The following UBR4 variants were observed in gnomAD, a reference collection of about 807,000 sequenced individuals.
The protein encoded by UBR4 is ubiquitin protein ligase E3 component n-recognin 4.
Under a neutral mutation model 575.6 loss-of-function variants are expected in UBR4, and 124 were observed. The ratio of observed to expected loss-of-function variants is 0.22; its 90% CI spans 0.19 to 0.25. The LOEUF (loss-of-function observed/expected upper bound fraction) is 0.25. Among genes scored for constraint, UBR4 ranks in the 10% least tolerant of loss-of-function variants. The pLI, the probability that UBR4 is intolerant of heterozygous loss-of-function variation, is 1.00. For missense variants in UBR4, 4,818 were observed against 6,478.8 expected, an observed-to-expected ratio of 0.74 and a Z score of 8.80; for synonymous variants, 2,455 against 2,473.7, an observed-to-expected ratio of 0.99 and a Z score of 0.22.
chr1:19,162,143 A>AC (rs1277784168), intron 35 of UBR4, among the ~76,000 whole-genome samples: 1 of 152,062 alleles, frequency 6.6e-6, no homozygotes, highest in Admixed American at 6.6e-5. Context: ...AGCTTCCACT[A>AC]CCCCCCATGA....
rs773875498 is a variant in UBR4, at chr1:19,117,441, G to A, written c.10630-27C>T. 5.6e-6 allele frequency: 9 copies of A among 1,610,440 alleles called. No homozygotes were observed. The Middle Eastern group carries it at 1.0e-3, about 180-fold the overall frequency. On this transcript the variant is annotated intron_variant, in intron 72 of 105. Coordinates refer to ENST00000375254, the MANE Select transcript of UBR4 (RefSeq NM_020765.3). This position sits in a 1 kb window ranked among gnomAD's most constrained non-coding sequence, Gnocchi z 4.0. ...TAAATACAAGAGTTCACAAAACATG[G>A]TATTAGTTCAAGACTCGTACTGCCT...
intron 104 of UBR4, chr1:19,077,690 G>GCACT: frequency 1.7e-6 from 2 of 1,198,788 alleles, no homozygotes; most frequent in South Asian, 2.6e-5. Flanking sequence ...CCGAGATCAC[G>GCACT]CCATTGCACT....
chr1:19,091,870 C>T (rs1426031008), intron 97 of UBR4, among the ~76,000 whole-genome samples: 3 of 152,058 alleles, frequency 2.0e-5, no homozygotes, highest in Non-Finnish European at 4.4e-5. Flanking sequence ...CACAAGTGTT[C>T]ATGGCAGCTT....
chr1:19,166,566 T>A (rs1469820622), intron 29 of UBR4, among the ~76,000 whole-genome samples: 2 of 151,976 alleles, frequency 1.3e-5, no homozygotes, highest in South Asian at 2.1e-4. Flanking sequence ...TACAGAATTT[T>A]CTGTTGAAAA....
chr1:19,176,294 A>G (rs2090255155), intron 20 of UBR4, among the ~76,000 whole-genome samples: 1 of 150,916 alleles, frequency 6.6e-6, no homozygotes, highest in South Asian at 2.1e-4. Flanking sequence ...GGGTTTCACC[A>G]TGTTGGCCAG....
chr1:19,105,693 C>A lies in UBR4; in HGVS notation c.12503+40G>T, dbSNP rs779683784. Reference sequence around the variant, plus strand: ...CGGGGAAGATGAAAAGGCTCTAGAGCAAGTCTAACCACGCTCCTCATCCCA... The same window carrying A: ...CGGGGAAGATGAAAAGGCTCTAGAGAAAGTCTAACCACGCTCCTCATCCCA... On this transcript the variant is annotated intron_variant, in intron 84 of 105. Coordinates refer to ENST00000375254, the MANE Select transcript of UBR4 (RefSeq NM_020765.3). 6.8e-6 allele frequency: 10 copies of A among 1,465,160 alleles called. No individual in the cohort carries two copies. The South Asian group carries it at 9.6e-5, about 14-fold the overall frequency. 90.8% of individuals were successfully genotyped at this position (1,465,160 alleles called of 1,614,324 possible). A position where few individuals can be genotyped will look rare whatever the true frequency, so the allele number is the denominator to read the frequency against.
intron 84 of UBR4, 100 bp from the exon 85 acceptor site, chr1:19,105,289 G>C: frequency 1.4e-6 from 2 of 1,388,052 alleles, no homozygotes; most frequent in South Asian, 1.4e-5. Flanking sequence ...ATCTTCTGCT[G>C]TCTGTCTCTC....
intron 18 of UBR4, 92 bp from the exon 19 acceptor site, chr1:19,177,835 A>C: frequency 7.3e-7 from 1 of 1,376,186 alleles, no homozygotes; most frequent in Non-Finnish European, 9.9e-7. Context: ...AAATTTCCTA[A>C]ACCCAGGCAG....
chr1:19,092,936 G>C lies in UBR4; in HGVS notation c.14112-18C>G, dbSNP rs111712034. On this transcript the variant is annotated intron_variant, in intron 96 of 105. Transcript: ENST00000375254. ...CATCCAAACTGCAAAGCAAAGGAAG[G>C]CTTATTAGCAGGCCAGGGAAGCAAA... is the stretch of plus-strand genomic sequence containing the variant. 903 of 1,609,074 alleles carry C rather than the reference G, an allele frequency of 5.6e-4. 7 individuals carry two copies. In the African/African-American group the frequency reaches 0.01, roughly 18 times the overall value.
At chr1:19,115,781 G>T (rs554755155) in intron 73 of UBR4, 144 bp from the exon 74 acceptor site, 1 of 1,326,592 alleles carries the variant, frequency 7.5e-7, no homozygotes, top group East Asian at 2.4e-5. Flanking sequence ...GCATATAATA[G>T]GAAGCCAGTT....
At chr1:19,095,346 G>A (rs2077925635) in intron 93 of UBR4, among the ~76,000 whole-genome samples, 199 bp downstream of exon 93, 1 of 152,198 alleles carries the variant, frequency 6.6e-6, no homozygotes, top group Non-Finnish European at 1.5e-5. Flanking sequence ...GAGTGCCATG[G>A]CAGCAGCATG....
chr1:19,080,284 A>G (rs1297178057), intron 103 of UBR4: 1 of 152,166 alleles, frequency 6.6e-6, no homozygotes, highest in South Asian at 2.1e-4. Context: ...GCCCCCTCCC[A>G]CTCTCCAGTG....
intron 1 of UBR4, 101 bp from the exon 2 acceptor site, chr1:19,201,916 A>C (rs1243433939): frequency 2.9e-5 from 28 of 960,198 alleles, no homozygotes; most frequent in Non-Finnish European, 4.0e-5. Context: ...ACTACCTGGT[A>C]GATAGTATCA....
At chr1:19,105,016 A>G in intron 85 of UBR4, 32 bp downstream of exon 85, 1 of 1,606,778 alleles carries the variant, frequency 6.2e-7, no homozygotes, top group Non-Finnish European at 8.5e-7. Context: ...GGAATTAGGG[A>G]AGGGGCTCTC....
rs1421046986 is a variant in UBR4, at chr1:19,173,286, T to G, written c.3186A>C (p.Gly1062=). 4 of 1,614,112 alleles carry G rather than the reference T, an allele frequency of 2.5e-6. No homozygotes were observed. In the East Asian group the frequency reaches 8.9e-5, roughly 36 times the overall value. Residue 1062 remains glycine, a synonymous_variant, in exon 24 of 106, where the codon GGA becomes GGC. Transcript: ENST00000375254. Reference sequence around the variant, plus strand: ...GCGAGCTAGCATGCTCAGCCTTCATTCCCTGTTTGATAAGGTGATCCTATT... The same window carrying G: ...GCGAGCTAGCATGCTCAGCCTTCATGCCCTGTTTGATAAGGTGATCCTATT... The part of the protein sequence containing the change: ...NWIKDHLIKQ[G]MKAEHASSLL...
chr1:19,158,683 G>A (rs972669846), intron 39 of UBR4, among the ~76,000 whole-genome samples: 11 of 151,696 alleles, frequency 7.3e-5, no homozygotes, highest in African/African-American at 1.2e-4. Context: ...GGATGGTCCC[G>A]AACTCCTCTG....
intron 22 of UBR4, 147 bp downstream of exon 22, chr1:19,174,172 A>G: frequency 9.0e-7 from 1 of 1,117,100 alleles, no homozygotes; most frequent in South Asian, 1.8e-5. Flanking sequence ...GAACATAGCT[A>G]CACAAACTAC....
At chr1:19,154,802 T>C (rs2086225327) in intron 44 of UBR4, 116 bp downstream of exon 44, 11 of 1,443,288 alleles carry the variant, frequency 7.6e-6, no homozygotes, top group Non-Finnish European at 1.0e-5. Context: ...GAAAAAAAGG[T>C]TGGCTGGAGA....
intron 68 of UBR4, among the ~76,000 whole-genome samples, chr1:19,120,773 G>A (rs146957138): frequency 3.2e-4 from 48 of 152,316 alleles, no homozygotes; most frequent in African/African-American, 1.1e-3. Flanking sequence ...CCTGACCACT[G>A]ATCTCAGGTC....
Sources: allele counts gnomAD v4.1 joint callset (sites outside exome capture counted in the v4.1 genomes callset), GRCh38; gene constraint gnomAD v4.1.1; non-coding constraint Gnocchi (gnomAD v3.1); transcripts MANE v1.5; gene names NCBI Gene and HGNC (gene_info 2026-07-23, HGNC 2026-07-21).